FYB1: variants seen among roughly 807,000 people sequenced by gnomAD.
FYB1 encodes the protein FYN binding protein 1.
Under a neutral mutation model 94.1 loss-of-function variants are expected in FYB1, and 41 were observed. The observed-to-expected ratio is 0.44, with a 90% CI of 0.34 to 0.57. The LOEUF is 0.57. Among genes scored for constraint, FYB1 ranks in the 20% least tolerant of loss-of-function variants. FYB1 has a pLI of 0.02. For missense variants in FYB1, 1,050 were observed against 976.8 expected (o/e 1.07, Z -1.00); for synonymous variants, 367 against 353.2 (o/e 1.04, Z -0.44).
At chr5:39,130,508 C>A in intron 10 of FYB1, 82 bp downstream of exon 10, 1 of 1,124,624 alleles carries the variant, frequency 8.9e-7, no homozygotes, top group South Asian at 1.3e-5. Flanking sequence ...ATGCATGTAA[C>A]AAAATAACAC....
chr5:39,252,524 C>T (rs1751769914), intron 1 of FYB1, among the ~76,000 whole-genome samples: 1 of 152,152 alleles, frequency 6.6e-6, no homozygotes, highest in Admixed American at 6.5e-5. Flanking sequence ...ATAAATTCTT[C>T]CCAATTCTTT....
At chr5:39,243,634 G>C (rs1432803754) in intron 1 of FYB1, among the ~76,000 whole-genome samples, 1 of 151,996 alleles carries the variant, frequency 6.6e-6, no homozygotes, top group African/African-American at 2.4e-5. Flanking sequence ...GCTCTTTTTT[G>C]GTTCCATATG....
intron 2 of FYB1, among the ~76,000 whole-genome samples, chr5:39,170,872 T>G (rs1200968173): frequency 6.6e-6 from 1 of 152,228 alleles, no homozygotes; most frequent in Non-Finnish European, 1.5e-5. Flanking sequence ...GTCTTTCTGT[T>G]TCTTTAACCC....
chr5:39,128,311 T>G (rs547399217), intron 10 of FYB1, among the ~76,000 whole-genome samples: 1 of 152,286 alleles, frequency 6.6e-6, no homozygotes, highest in East Asian at 1.9e-4. Context: ...CTGGTTTCAT[T>G]TGTTATTCTA....
intron 2 of FYB1, 120 bp downstream of exon 2, chr5:39,201,706 A>G: frequency 1.2e-6 from 1 of 868,568 alleles, no homozygotes; most frequent in South Asian, 2.1e-5. Flanking sequence ...AAAATTCATT[A>G]TACACATATG....
At chr5:39,186,092 C>T (rs570115205) in intron 2 of FYB1, among the ~76,000 whole-genome samples, 12 of 152,152 alleles carry the variant, frequency 7.9e-5, no homozygotes, top group South Asian at 6.2e-4. Flanking sequence ...GCTGCACAAA[C>T]AGAAACGGTG....
At chr5:39,198,195 T>C (rs1009383101) in intron 2 of FYB1, among the ~76,000 whole-genome samples, 4 of 152,178 alleles carry the variant, frequency 2.6e-5, no homozygotes, top group Admixed American at 2.6e-4. Flanking sequence ...TACTCGTTTT[T>C]TCAAATGAAG....
intron 5 of FYB1, 56 bp from the exon 6 acceptor site, chr5:39,138,747 CAT>C: frequency 2.0e-6 from 2 of 982,784 alleles, no homozygotes; most frequent in Non-Finnish European, 3.1e-6. Flanking sequence ...AGTTGACACA[CAT>C]ATTACATTGC....
chr5:39,251,403 C>T (rs751028349), intron 1 of FYB1, among the ~76,000 whole-genome samples: 3 of 152,134 alleles, frequency 2.0e-5, no homozygotes, highest in Non-Finnish European at 4.4e-5. Context: ...TTAGCTCACT[C>T]AGTTAGAGGG....
chr5:39,148,151 TTTTTTATATATATATATATATA>T (rs1335153723), intron 3 of FYB1, among the ~76,000 whole-genome samples: 2 of 58,728 alleles, frequency 3.4e-5, no homozygotes, highest in African/African-American at 1.1e-4. Context: ...ATTATATGTA[TTTTTTATATATATATATATATA>T]TATATATATA....
chr5:39,108,152 C>T, intron 18 of FYB1, 79 bp downstream of exon 18: 1 of 1,323,908 alleles, frequency 7.6e-7, no homozygotes, highest in African/African-American at 1.5e-5. Flanking sequence ...GTCTCTAATC[C>T]AACAAGCTAT....
intron 2 of FYB1, among the ~76,000 whole-genome samples, chr5:39,196,395 A>C (rs1250067560): frequency 6.6e-6 from 1 of 151,948 alleles, no homozygotes; most frequent in African/African-American, 2.4e-5. Context: ...GGGTTTCGCC[A>C]TGTTGGCCAG....
rs1314115033 is a variant in FYB1 at position 39,105,321 on chromosome 5, C to G, written c.*2122G>C. On this transcript the variant is annotated 3_prime_UTR_variant, in exon 19 of 19. Coordinates refer to ENST00000512982, the MANE Select transcript of FYB1 (RefSeq NM_001465.6). Reference sequence around the variant, plus strand: ...CAAAATTCCATACAGAAGACTATAACAGAAATCATATTTAATATATTAAAA... The same window carrying G: ...CAAAATTCCATACAGAAGACTATAAGAGAAATCATATTTAATATATTAAAA... 2.6e-5 allele frequency: 4 copies of G among 152,084 alleles called. No individual in the cohort carries two copies. Among genetic ancestry groups the G allele is most frequent in the Non-Finnish European group, 5.9e-5 (4 of 68,028 alleles). 9.4% of individuals were successfully genotyped at this position (152,084 alleles called of 1,614,324 possible).
rs143112484 is a variant in FYB1, at chr5:39,135,034, G to A, written c.1516-20C>T. ...TGTTAGCTGCAAAGAGAAAAAAATA[G>A]TCACAAAAGATTTCCTTATAATTTA... On this transcript the variant is annotated intron_variant, in intron 7 of 18. Transcript: ENST00000512982. The A allele has an allele frequency of 2.9e-5, 46 of 1,607,694 alleles. No individual in the cohort carries two copies. The East Asian group carries it at 9.8e-4, about 34-fold the overall frequency.
upstream of FYB1, among the ~76,000 whole-genome samples, chr5:39,221,699 A>G (rs906756596): frequency 1.3e-5 from 2 of 152,170 alleles, no homozygotes; most frequent in African/African-American, 4.8e-5. Flanking sequence ...GATGGCCAAA[A>G]CAAAATAAAA....
intron 3 of FYB1, among the ~76,000 whole-genome samples, chr5:39,152,033 T>C (rs1347677552): frequency 6.6e-6 from 1 of 152,234 alleles, no homozygotes; most frequent in Admixed American, 6.5e-5. Context: ...TTCTTCGTTG[T>C]GGAATTTACT....
At chr5:39,148,266 G>T (rs1742929430) in intron 3 of FYB1, among the ~76,000 whole-genome samples, 1 of 132,402 alleles carries the variant, frequency 7.6e-6, no homozygotes, top group Non-Finnish European at 1.6e-5. Flanking sequence ...CTGGATTCAT[G>T]TGATTGGCTC....
Position 39,186,524 on chromosome 5 carries a change from G to A in FYB1, c.1135+15302C>T, listed in dbSNP as rs1377613527. Among the ~76,000 whole-genome samples, 4 of 152,010 alleles carry A rather than the reference G, an allele frequency of 2.6e-5. No homozygotes were observed. The South Asian group carries it at 8.3e-4, about 32-fold the overall frequency. On this transcript the variant is annotated intron_variant, in intron 2 of 18. Coordinates refer to ENST00000512982, the MANE Select transcript of FYB1 (RefSeq NM_001465.6). ...AAGGAAACAGAGTAATACAGCAAGAGAGGCACAGGAAGAGACTGCATCTAC... is the reference window on the plus strand; with the variant it reads ...AAGGAAACAGAGTAATACAGCAAGAAAGGCACAGGAAGAGACTGCATCTAC...
chr5:39,237,792 G>A (rs187885741), intron 1 of FYB1, among the ~76,000 whole-genome samples: 298 of 152,156 alleles, frequency 2.0e-3, no homozygotes, highest in Admixed American at 2.9e-3. Flanking sequence ...ATTGCAACAA[G>A]AATGAGAGGT....
Sources: allele counts gnomAD v4.1 joint callset (sites outside exome capture counted in the v4.1 genomes callset), GRCh38; gene constraint gnomAD v4.1.1; transcripts MANE v1.5; gene names NCBI Gene and HGNC (gene_info 2026-07-23, HGNC 2026-07-21).